RSRC1: variants seen among roughly 807,000 people sequenced by gnomAD.
The protein encoded by RSRC1 is arginine and serine rich coiled-coil 1.
A neutral mutation model predicts 49.1 loss-of-function variants in RSRC1; 39 were observed. That is an observed-to-expected ratio of 0.79 (90% CI 0.61 to 1.04). RSRC1 has a LOEUF of 1.04. Ranked by LOEUF, RSRC1 falls within the 50% of genes least tolerant of loss-of-function variation. RSRC1 has a pLI of 0.00. For synonymous variants in RSRC1, 143 were observed against 130.8 expected (o/e 1.09, Z -0.63); for missense variants, 388 against 402.4 (o/e 0.96, Z 0.31).
intron 4 of RSRC1, among the ~76,000 whole-genome samples, chr3:158,239,923 C>T (rs1025234644): frequency 3.3e-5 from 5 of 151,932 alleles, no homozygotes; most frequent in Non-Finnish European, 7.4e-5. Context: ...AGTGCTTGTG[C>T]TTTTTTCTAA....
intron 7 of RSRC1, among the ~76,000 whole-genome samples, chr3:158,493,703 T>G (rs189888490): frequency 6.6e-6 from 1 of 152,294 alleles, no homozygotes; most frequent in East Asian, 1.9e-4. Flanking sequence ...AGAAACAGCC[T>G]GATTGTTTGC....
chr3:158,125,088 GCAT>G (rs1474139844), intron 3 of RSRC1, among the ~76,000 whole-genome samples: 1 of 151,786 alleles, frequency 6.6e-6, no homozygotes, highest in African/African-American at 2.4e-5. Context: ...CAAAGTGCTG[GCAT>G]TATAGGTATG....
intron 3 of RSRC1, among the ~76,000 whole-genome samples, chr3:158,181,111 C>T (rs917358183): frequency 1.8e-4 from 27 of 152,146 alleles, no homozygotes; most frequent in African/African-American, 5.5e-4. Context: ...GCCCTATGTA[C>T]GTTTTTAAAA....
intron 6 of RSRC1, among the ~76,000 whole-genome samples, chr3:158,396,498 A>G (rs1331812216): frequency 1.3e-5 from 2 of 152,024 alleles, no homozygotes; most frequent in Non-Finnish European, 2.9e-5. Flanking sequence ...AGTGAGGGAA[A>G]GGACATTCAT....
At chr3:158,266,264 A>T (rs576482370) in intron 4 of RSRC1, among the ~76,000 whole-genome samples, 1 of 151,842 alleles carries the variant, frequency 6.6e-6, no homozygotes, top group African/African-American at 2.4e-5. Flanking sequence ...TTTTAGGTTT[A>T]CTTTGATCTT....
At chr3:158,347,845 C>T (rs1190174601) in intron 5 of RSRC1, among the ~76,000 whole-genome samples, 3 of 152,070 alleles carry the variant, frequency 2.0e-5, no homozygotes, top group African/African-American at 7.2e-5. Flanking sequence ...TGAGTCACCA[C>T]GCCCACCCCA....
At chr3:158,187,813 G>T (rs1720014454) in intron 3 of RSRC1, among the ~76,000 whole-genome samples, 1 of 151,924 alleles carries the variant, frequency 6.6e-6, no homozygotes, top group Non-Finnish European at 1.5e-5. Flanking sequence ...GTTGCTGGTG[G>T]ATATATTTGT....
At chr3:158,285,033 C>T (rs1451661053) in intron 4 of RSRC1, among the ~76,000 whole-genome samples, 2 of 152,108 alleles carry the variant, frequency 1.3e-5, no homozygotes, top group South Asian at 2.1e-4. Context: ...TTAGGTCTGA[C>T]GTTTAAGTCT....
intron 3 of RSRC1, among the ~76,000 whole-genome samples, chr3:158,157,733 TG>T (rs1717962366): frequency 6.6e-6 from 1 of 152,102 alleles, no homozygotes; most frequent in Non-Finnish European, 1.5e-5. Flanking sequence ...CTGACCAACA[TG>T]GAGAAACCCC....
At chr3:158,317,852 G>C (rs1291539143) in intron 5 of RSRC1, among the ~76,000 whole-genome samples, 1 of 152,116 alleles carries the variant, frequency 6.6e-6, no homozygotes, top group Non-Finnish European at 1.5e-5. Context: ...GAGCCACCGT[G>C]CCTGGCCTAA....
intron 3 of RSRC1, among the ~76,000 whole-genome samples, chr3:158,192,711 A>G (rs115240700): frequency 0.017 from 2,563 of 152,150 alleles, 58 homozygotes; most frequent in African/African-American, 0.058. Flanking sequence ...TGTCCCCCAA[A>G]TATTTCCTTT....
intron 7 of RSRC1, among the ~76,000 whole-genome samples, chr3:158,509,249 T>G (rs1740026779): frequency 6.6e-6 from 1 of 152,206 alleles, no homozygotes; most frequent in Non-Finnish European, 1.5e-5. Flanking sequence ...CTTGTTGACC[T>G]CATTCAGTTT....
intron 6 of RSRC1, among the ~76,000 whole-genome samples, chr3:158,440,071 C>G (rs956066687): frequency 6.6e-6 from 1 of 152,036 alleles, no homozygotes; most frequent in Non-Finnish European, 1.5e-5. Context: ...TACCATGGCA[C>G]GTGTATACCT....
chr3:158,348,608 G>T (rs1730696132), intron 5 of RSRC1, among the ~76,000 whole-genome samples: 1 of 151,738 alleles, frequency 6.6e-6, no homozygotes, highest in South Asian at 2.1e-4. Flanking sequence ...TAGAGTTTGG[G>T]GATACATGTG....
chr3:158,159,990 A>G (rs1012958162), intron 3 of RSRC1, among the ~76,000 whole-genome samples: 18 of 152,114 alleles, frequency 1.2e-4, no homozygotes, highest in Admixed American at 1.2e-3. Context: ...TCTATTGCAA[A>G]CTGTGGTAAT....
intron 7 of RSRC1, among the ~76,000 whole-genome samples, chr3:158,517,177 A>G (rs184608141): frequency 1.8e-5 from 2 of 113,306 alleles, no homozygotes; most frequent in Admixed American, 1.7e-4. Context: ...TAATATTATT[A>G]TCATTTTACA....
chr3:158,267,858 C>CTTTTTTTTTTTTTTTTTTTTT (rs377128391), intron 4 of RSRC1, among the ~76,000 whole-genome samples: 1 of 91,258 alleles, frequency 1.1e-5, no homozygotes, highest in African/African-American at 4.0e-5. Flanking sequence ...GTTTCCATAT[C>CTTTTTTTTTTTTTTTTTTTTT]TATTTTTTTT....
intron 3 of RSRC1, among the ~76,000 whole-genome samples, chr3:158,188,043 ACCAATAT>A (rs1406977073): frequency 1.3e-5 from 2 of 151,952 alleles, no homozygotes; most frequent in African/African-American, 4.8e-5. Flanking sequence ...GCTATACTTT[ACCAATAT>A]CAAGGCTTAT....
chr3:158,510,863 A>G lies in RSRC1; in HGVS notation c.653-26229A>G, dbSNP rs143064573. ...TTATTTTTAATCTTTGTTCTTCCATATGAATCAGTTTTTCAGGTTTCATTA... is the reference window on the plus strand; with the variant it reads ...TTATTTTTAATCTTTGTTCTTCCATGTGAATCAGTTTTTCAGGTTTCATTA... On this transcript the variant is annotated intron_variant, in intron 7 of 9. Coordinates refer to ENST00000611884, the MANE Select transcript of RSRC1 (RefSeq NM_001271838.2). Among the ~76,000 whole-genome samples, 1,187 of 152,246 alleles carry G rather than the reference A, an allele frequency of 7.8e-3. 15 individuals are homozygous for G. The highest frequency in any genetic ancestry group is 0.027 in the African/African-American group (1,106 of 41,536).
Sources: gnomAD v4.1 joint callset for allele counts (sites outside exome capture counted in the v4.1 genomes callset) on GRCh38, gnomAD v4.1.1 for gene constraint, MANE v1.5 for transcripts, NCBI Gene and HGNC (gene_info 2026-07-23, HGNC 2026-07-21) for gene names.